ENTHD1: variants seen among roughly 807,000 people sequenced by gnomAD.
ENTHD1 encodes ENTH domain containing 1, also known as ENTH domain-containing protein 1.
In ENTHD1, 23 loss-of-function variants were observed where a neutral mutation model predicts 39.1. The observed-to-expected ratio is 0.59, with a 90% CI of 0.42 to 0.83. The LOEUF is 0.83. Ranked by LOEUF, ENTHD1 falls within the 40% of genes least tolerant of loss-of-function variation. ENTHD1 has a pLI of 0.00. For missense variants in ENTHD1, 624 were observed against 705.4 expected, an observed-to-expected ratio of 0.88 and a Z score of 1.31; for synonymous variants, 230 against 258.2, an observed-to-expected ratio of 0.89 and a Z score of 1.05.
chr22:39,743,118 A>T lies in ENTHD1; in HGVS notation c.*561T>A. On this transcript the variant is annotated 3_prime_UTR_variant, in exon 7 of 7. Transcript: ENST00000325157. ...AATTCACCTTGCAATATACATTGACAGTAAAAACATTTGCCCCATGTCCTT... is the reference window on the plus strand; with the variant it reads ...AATTCACCTTGCAATATACATTGACTGTAAAAACATTTGCCCCATGTCCTT... The T allele has an allele frequency of 6.6e-6, 1 of 152,398 alleles. No individual in the cohort carries two copies. The highest frequency in any genetic ancestry group is 2.1e-4 in the South Asian group (1 of 4,832). The allele number at this position is 152,398 out of a possible 1,614,324, so 9.4% of individuals were successfully genotyped here. A position where few individuals can be genotyped will look rare whatever the true frequency, so the allele number is the denominator to read the frequency against.
chr22:39,892,055 T>C (rs1337801880), intron 1 of ENTHD1, among the ~76,000 whole-genome samples: 2 of 152,218 alleles, frequency 1.3e-5, no homozygotes, highest in African/African-American at 2.4e-5. Flanking sequence ...TTCTATAGTT[T>C]TGAGCAAATA....
chr22:39,875,250 A>G, intron 2 of ENTHD1: 8 of 1,170,428 alleles, frequency 6.8e-6, no homozygotes, highest in Non-Finnish European at 8.5e-6. Context: ...CATTTATATA[A>G]ATTTTAAGAA....
chr22:39,833,689 T>C (rs542920986), intron 4 of ENTHD1, among the ~76,000 whole-genome samples: 18 of 151,478 alleles, frequency 1.2e-4, no homozygotes, highest in Non-Finnish European at 2.4e-4. Flanking sequence ...AGTGAAGAGA[T>C]ATAAAGATAG....
intron 3 of ENTHD1, among the ~76,000 whole-genome samples, chr22:39,844,004 C>T (rs1367891113): frequency 6.6e-6 from 1 of 152,128 alleles, no homozygotes; most frequent in South Asian, 2.1e-4. Flanking sequence ...CTGAGAAATG[C>T]TTCAAAACAC....
At chr22:39,805,065 G>A (rs2065629734) in intron 5 of ENTHD1, among the ~76,000 whole-genome samples, 1 of 152,126 alleles carries the variant, frequency 6.6e-6, no homozygotes, top group African/African-American at 2.4e-5. Context: ...GACCAGGGAG[G>A]GGCTGGTCAT....
At chr22:39,777,215 T>A (rs922288676) in intron 5 of ENTHD1, among the ~76,000 whole-genome samples, 1 of 152,232 alleles carries the variant, frequency 6.6e-6, no homozygotes, top group East Asian at 1.9e-4. Context: ...GAGGGGTGAC[T>A]TAAATTGCTT....
chr22:39,803,433 C>A (rs1191537729), intron 5 of ENTHD1, among the ~76,000 whole-genome samples: 1 of 151,980 alleles, frequency 6.6e-6, no homozygotes, highest in Non-Finnish European at 1.5e-5. Flanking sequence ...TGTTTATTTC[C>A]TTCATAGCAC....
At chr22:39,825,021 C>G (rs2065815732) in intron 4 of ENTHD1, among the ~76,000 whole-genome samples, 1 of 152,108 alleles carries the variant, frequency 6.6e-6, no homozygotes, top group Non-Finnish European at 1.5e-5. Flanking sequence ...TGTACTATGA[C>G]CTTTACTATG....
chr22:39,834,817 G>GT lies in ENTHD1; in HGVS notation c.711+1022dup, dbSNP rs1437732142. Among the ~76,000 whole-genome samples, 4 of 152,228 alleles carry GT rather than the reference G, an allele frequency of 2.6e-5. No homozygotes were observed. The East Asian group carries it at 7.7e-4, about 29-fold the overall frequency. On this transcript the variant is annotated intron_variant, in intron 4 of 6. Coordinates refer to ENST00000325157, the MANE Select transcript of ENTHD1 (RefSeq NM_152512.4). ...AAAAAGGGATGCATTACTGATTCAT[G>GT]TGACAACCTGTCGGCCCCCCAGGAG...
chr22:39,882,829 C>T (rs1324681329), intron 2 of ENTHD1, among the ~76,000 whole-genome samples: 1 of 151,430 alleles, frequency 6.6e-6, no homozygotes, highest in Non-Finnish European at 1.5e-5. Context: ...ATGGTGAAAC[C>T]CTGTCTCTAC....
At chr22:39,787,051 C>CTG (rs2065464563) in intron 5 of ENTHD1, among the ~76,000 whole-genome samples, 1 of 142,172 alleles carries the variant, frequency 7.0e-6, no homozygotes, top group Non-Finnish European at 1.5e-5. Context: ...CACTTCATGT[C>CTG]TCTGTCATAT....
chr22:39,826,465 C>G (rs749374821), intron 4 of ENTHD1, among the ~76,000 whole-genome samples: 7 of 150,000 alleles, frequency 4.7e-5, no homozygotes, highest in Non-Finnish European at 8.9e-5. Context: ...TCTTCTATTC[C>G]TTGTGCATTT....
chr22:39,818,478 G>A (rs1179144710), intron 5 of ENTHD1, among the ~76,000 whole-genome samples: 9 of 152,216 alleles, frequency 5.9e-5, no homozygotes, highest in African/African-American at 2.2e-4. Context: ...ATTCTAAAGA[G>A]AAGAAAGTAC....
chr22:39,812,194 T>C (rs1158406958), intron 5 of ENTHD1, among the ~76,000 whole-genome samples: 2 of 152,124 alleles, frequency 1.3e-5, no homozygotes, highest in African/African-American at 4.8e-5. Flanking sequence ...TGTATAGGAT[T>C]GGTTTAAACA....
rs1161769102 is a variant in ENTHD1, at chr22:39,821,008, T to A, written c.817A>T (p.Asn273Tyr). The change falls in exon 5 of 7, where the codon AAT becomes TAT. Residue 273 changes from asparagine to tyrosine, a missense_variant. Asn to Tyr is a moderately radical substitution (Grantham distance 143). Coordinates refer to ENST00000325157, the MANE Select transcript of ENTHD1 (RefSeq NM_152512.4). ...ACCAATTTACCTGCACCCGAAAGAT[T>A]ACAAACTTCTTCTGCTTCTGACAAG... The part of the protein sequence containing the change: ...TCLSEAEEVC[N>Y]LSGADAVPTL... 6.2e-7 allele frequency: 1 copy of A among 1,614,028 alleles called. No homozygotes were observed. The highest frequency in any genetic ancestry group is 1.7e-5 in the Admixed American group (1 of 60,014).
At chr22:39,887,296 C>G in intron 2 of ENTHD1, 104 bp downstream of exon 2, 1 of 995,806 alleles carries the variant, frequency 1.0e-6, no homozygotes, top group Non-Finnish European at 1.5e-6. Context: ...ACTACAGCAT[C>G]AAATGCCTGG....
chr22:39,887,627 C>T lies in ENTHD1; in HGVS notation c.122G>A (p.Ser41Asn), dbSNP rs1489609554. 6.2e-7 allele frequency: 1 copy of T among 1,614,190 alleles called. No homozygotes were observed. ...GPSSSLMLDI[S>N]DLTFNTISLS... ...AGAAATTGTGTTGAAAGTCAAGTCA[C>T]TGATATCTAACATCAGAGAACTAGA... The change falls in exon 2 of 7, where the codon AGT (serine) becomes AAT (asparagine). Residue 41 changes from serine to asparagine, a missense_variant. Physicochemically the swap from Ser to Asn is conservative, Grantham distance 46. Coordinates refer to ENST00000325157, the MANE Select transcript of ENTHD1 (RefSeq NM_152512.4).
At chr22:39,764,837 G>T (rs1011402954) in intron 6 of ENTHD1, among the ~76,000 whole-genome samples, 3 of 151,658 alleles carry the variant, frequency 2.0e-5, no homozygotes, top group African/African-American at 7.3e-5. Context: ...TGTGTATGTG[G>T]GGGTGTGTGT....
At chr22:39,812,069 A>G (rs2065692646) in intron 5 of ENTHD1, among the ~76,000 whole-genome samples, 1 of 152,084 alleles carries the variant, frequency 6.6e-6, no homozygotes, top group South Asian at 2.1e-4. Context: ...AAACAATGCA[A>G]GCAGGTGGCT....
Sources: allele counts gnomAD v4.1 joint callset (sites outside exome capture counted in the v4.1 genomes callset), GRCh38; gene constraint gnomAD v4.1.1; transcripts MANE v1.5; gene names NCBI Gene and HGNC (gene_info 2026-07-23, HGNC 2026-07-21).